The following ZNF333 variants were observed in gnomAD, a reference collection of about 807,000 sequenced individuals.
The protein encoded by ZNF333 is zinc finger protein 333.
A neutral mutation model predicts 76.1 loss-of-function variants in ZNF333; 61 were observed. That is an observed-to-expected ratio of 0.80 (90% confidence interval 0.65 to 0.99). The LOEUF is 0.99. Ranked by LOEUF, ZNF333 falls within the 50% of genes least tolerant of loss-of-function variation. The pLI is 0.00. For missense variants in ZNF333, 717 were observed against 822.4 expected, an observed-to-expected ratio of 0.87 and a Z score of 1.57; for synonymous variants, 284 against 305.0, an observed-to-expected ratio of 0.93 and a Z score of 0.72.
chr19:14,732,564 A>G (rs896218212), exon 12 of ZNF333: 2 of 152,240 alleles, frequency 1.3e-5, no homozygotes, highest in African/African-American at 2.4e-5. Flanking sequence ...TGGTCTGGAA[A>G]CTATGGGCAG....
intron 2 of ZNF333, among the ~76,000 whole-genome samples, chr19:14,694,783 T>C (rs1457453019): frequency 6.6e-6 from 1 of 152,220 alleles, no homozygotes; most frequent in African/African-American, 2.4e-5. Flanking sequence ...GTGATCTCTG[T>C]CACAACTATT....
chr19:14,731,235 A>C, exon 12 of ZNF333: 1 of 1,509,832 alleles, frequency 6.6e-7, no homozygotes, highest in Non-Finnish European at 8.9e-7. Flanking sequence ...TCAGATCGCT[A>C]GAATCCAACC....
chr19:14,693,711 C>G (rs1972939857), intron 2 of ZNF333, among the ~76,000 whole-genome samples: 1 of 152,132 alleles, frequency 6.6e-6, no homozygotes, highest in African/African-American at 2.4e-5. Context: ...CACAGCAGAC[C>G]CTGGGGCTCT....
At chr19:14,701,935 G>A (rs1417249098) in intron 5 of ZNF333, 12 of 978,604 alleles carry the variant, frequency 1.2e-5, no homozygotes, top group South Asian at 4.7e-5. Flanking sequence ...AGACCTAACC[G>A]CAGAGACCAC....
intron 4 of ZNF333, among the ~76,000 whole-genome samples, chr19:14,698,899 GATATATATATATATATAT>G (rs60299211): frequency 0.019 from 2,489 of 132,666 alleles, 97 homozygotes; most frequent in African/African-American, 0.062. Flanking sequence ...CACAAATATA[GATATATATATATATATAT>G]ATATATATAT....
In ZNF333 at chr19:14,730,349, C is replaced by T. The variant is rs1329319157; in HGVS notation, c.901-826C>T. Among the ~76,000 whole-genome samples the T allele has an allele frequency of 5.3e-5, 8 of 152,238 alleles. No homozygotes were observed. The East Asian group carries it at 1.5e-3, about 29-fold the overall frequency. The stretch of plus-strand genomic sequence containing the variant: ...GGATTACAGGTGTGAACCACCGTGC[C>T]CGGCCACTGTCTTCATTTTCAGAAT... On this transcript the variant is annotated intron_variant, in intron 11 of 11. Transcript: ENST00000540689.
chr19:14,706,148 G>T (rs1038629698), intron 6 of ZNF333: 11 of 457,554 alleles, frequency 2.4e-5, no homozygotes, highest in Admixed American at 1.4e-4. Context: ...AGTTCTCCTG[G>T]ACTCCAGTTC....
At chr19:14,700,254 CAT>C (rs1973583470) in intron 5 of ZNF333, 2 of 152,278 alleles carry the variant, frequency 1.3e-5, no homozygotes, top group South Asian at 2.1e-4. Flanking sequence ...CTCCTGGCCT[CAT>C]GTGTTCCTCC....
rs2042541720 is a variant in ZNF333 at position 14,719,446 on chromosome 19, T to G, written c.*121T>G. ...TTTTGGTTTAATTGTAAGTATTGTC[T>G]TAACCTCCATTATCGTTTATTCTTT... On this transcript the variant is annotated 3_prime_UTR_variant, in exon 12 of 12. Transcript: ENST00000292530. 8.4e-7 allele frequency: 1 copy of G among 1,195,984 alleles called. No individual in the cohort carries two copies. The highest frequency in any genetic ancestry group is 1.1e-6 in the Non-Finnish European group (1 of 883,316). The allele number at this position is 1,195,984 out of a possible 1,614,324, so 74.1% of individuals were successfully genotyped here. A position where few individuals can be genotyped will look rare whatever the true frequency, so the allele number is the denominator to read the frequency against.
At chr19:14,708,220 C>G in intron 7 of ZNF333, 1 of 389,776 alleles carries the variant, frequency 2.6e-6, no homozygotes, top group Non-Finnish European at 4.5e-6. Context: ...GTTGGCCAAG[C>G]TGGTCTCGAA....
chr19:14,720,121 G>A lies in ZNF333; in HGVS notation c.*796G>A, dbSNP rs754645975. The stretch of plus-strand genomic sequence containing the variant: ...GAATTCTTTGAACCCAGGAGGCAGA[G>A]GTTGCAGTGAGCCGAGATTGCGCCA... On this transcript the variant is annotated 3_prime_UTR_variant, in exon 12 of 12. Coordinates refer to ENST00000292530, the MANE Select transcript of ZNF333 (RefSeq NM_032433.4). The A allele has an allele frequency of 2.2e-5, 19 of 874,832 alleles. No homozygotes were observed. Among genetic ancestry groups the A allele is most frequent in the Non-Finnish European group, 2.6e-5 (19 of 729,178 alleles). 54.2% of individuals were successfully genotyped at this position (874,832 alleles called of 1,614,324 possible).
In ZNF333 at chr19:14,720,150, C is replaced by T; in HGVS notation, c.*825C>T. The T allele has an allele frequency of 1.0e-6, 1 of 957,796 alleles. No individual in the cohort carries two copies. Among genetic ancestry groups the T allele is most frequent in the Non-Finnish European group, 1.2e-6 (1 of 804,940 alleles). The allele number at this position is 957,796 out of a possible 1,614,324, so 59.3% of individuals were successfully genotyped here. A position where few individuals can be genotyped will look rare whatever the true frequency, so the allele number is the denominator to read the frequency against. On this transcript the variant is annotated 3_prime_UTR_variant, in exon 12 of 12. Transcript: ENST00000292530. ...GCAGTGAGCCGAGATTGCGCCACTG[C>T]ACTCCAGCCTGGGCAACAGAGTGAA... is the stretch of plus-strand genomic sequence containing the variant.
Position 14,717,715 on chromosome 19 carries a change from G to T in ZNF333, c.882G>T (p.Leu294=). The T allele has an allele frequency of 6.2e-7, 1 of 1,614,070 alleles. No individual in the cohort carries two copies. Among genetic ancestry groups the T allele is most frequent in the East Asian group, 2.2e-5 (1 of 44,874 alleles). Residue 294 remains leucine (L), a synonymous_variant, in exon 11 of 12, where the codon CTG becomes CTT. Transcript: ENST00000292530. ...GCCAAGATACTTTTACAGAGATCCT[G>T]TCCATTGATGTGAAAGGGGTAAGGC... ...IPSQDTFTEI[L]SIDVKGEQPQ... is the part of the protein sequence containing the mutation.
At chr19:14,708,033 C>A (rs1057298984) in intron 7 of ZNF333, 2 of 394,234 alleles carry the variant, frequency 5.1e-6, no homozygotes, top group Non-Finnish European at 9.0e-6. Flanking sequence ...ATTGAGACAG[C>A]ATCTCGCTCT....
chr19:14,711,540 C>T (rs1044912454), intron 7 of ZNF333, among the ~76,000 whole-genome samples: 8 of 152,242 alleles, frequency 5.3e-5, no homozygotes, highest in African/African-American at 1.4e-4. Flanking sequence ...TGGTTGTGTG[C>T]ACCTGTGGTC....
At chr19:14,723,419 A>T (rs997553550), downstream of ZNF333, among the ~76,000 whole-genome samples, 9 of 152,070 alleles carry the variant, frequency 5.9e-5, 1 homozygote, top group Admixed American at 5.9e-4. Context: ...TATTCTTGAG[A>T]TTTCATATGA....
At chr19:14,700,773 G>C (rs1237528767) in intron 5 of ZNF333, among the ~76,000 whole-genome samples, 1 of 152,118 alleles carries the variant, frequency 6.6e-6, no homozygotes, top group East Asian at 1.9e-4. Flanking sequence ...TTAGTCCCAG[G>C]GTCAGTGAGA....
chr19:14,715,110 A>G (rs2042388161), intron 7 of ZNF333: 1 of 389,908 alleles, frequency 2.6e-6, no homozygotes, highest in African/African-American at 2.1e-5. Context: ...TATGTTATAT[A>G]TATGAACAGG....
rs1359409448 is a variant in ZNF333 at position 14,718,400 on chromosome 19, A to G, written c.1073A>G (p.Lys358Arg). ...FQSAHLIVPEKIRSGDKSYAC... is the reference protein window; with the variant it reads ...FQSAHLIVPERIRSGDKSYAC... ...AGTGCCCACCTAATTGTGCCCGAGA[A>G]AATCCGTAGTGGGGATAAATCCTAT... Residue 358 changes from lysine to arginine, a missense_variant, in exon 12 of 12, where the codon AAA becomes AGA. By Grantham distance (26) the Lys-to-Arg change is conservative. Coordinates refer to ENST00000292530, the MANE Select transcript of ZNF333 (RefSeq NM_032433.4). The G allele has an allele frequency of 6.2e-7, 1 of 1,614,092 alleles. No individual in the cohort carries two copies. The highest frequency in any genetic ancestry group is 1.3e-5 in the African/African-American group (1 of 74,938).
Sources: allele counts gnomAD v4.1 joint callset (sites outside exome capture counted in the v4.1 genomes callset), GRCh38; gene constraint gnomAD v4.1.1; transcripts MANE v1.5; gene names NCBI Gene and HGNC (gene_info 2026-07-23, HGNC 2026-07-21).